Variants in TACR3 observed in about 807,000 individuals in gnomAD.
TACR3 encodes the protein tachykinin receptor 3, also known as neuromedin-K receptor.
A neutral mutation model predicts 35.0 loss-of-function variants in TACR3; 34 were observed. That is an observed-to-expected ratio of 0.97 (90% CI 0.74 to 1.30). The LOEUF (loss-of-function observed/expected upper bound fraction) is 1.30. Among genes scored for constraint, TACR3 ranks in the 50% most tolerant of loss-of-function variants. The probability of loss-of-function intolerance (pLI) is 0.00; values close to 1 mark genes in which losing one functional copy is unlikely to be tolerated. For missense variants in TACR3, 558 were observed against 591.7 expected (o/e 0.94, Z 0.59); for synonymous variants, 233 against 221.1 (o/e 1.05, Z -0.48).
chr4:103,708,383 C>T (rs554096886), intron 1 of TACR3, among the ~76,000 whole-genome samples: 1 of 152,194 alleles, frequency 6.6e-6, no homozygotes, highest in Non-Finnish European at 1.5e-5. Context: ...ACTGCTGATA[C>T]CCTGGCAAAC....
intron 3 of TACR3, among the ~76,000 whole-genome samples, chr4:103,622,846 CA>C (rs1724813163): frequency 6.6e-6 from 1 of 152,136 alleles, no homozygotes; most frequent in Non-Finnish European, 1.5e-5. Context: ...AAGCAGCTAT[CA>C]GACCCAGAGG....
intron 1 of TACR3, among the ~76,000 whole-genome samples, chr4:103,683,470 C>CAA (rs57761679): frequency 8.2e-3 from 173 of 21,082 alleles, no homozygotes; most frequent in Non-Finnish European, 0.011. Context: ...AAAGACTGAC[C>CAA]AAAAAAAAAA....
At chr4:103,691,914 G>C (rs1722411561) in intron 1 of TACR3, among the ~76,000 whole-genome samples, 1 of 152,130 alleles carries the variant, frequency 6.6e-6, no homozygotes, top group Non-Finnish European at 1.5e-5. Context: ...CAATGCTAAT[G>C]ACTGGCTTGC....
intron 3 of TACR3, among the ~76,000 whole-genome samples, chr4:103,649,369 A>G (rs1230573760): frequency 6.6e-6 from 1 of 152,060 alleles, no homozygotes; most frequent in Non-Finnish European, 1.5e-5. Context: ...GCCTAGTTCA[A>G]TGGCCTGGAT....
intron 1 of TACR3, among the ~76,000 whole-genome samples, chr4:103,672,187 A>G (rs1726072791): frequency 6.6e-6 from 1 of 152,100 alleles, no homozygotes; most frequent in Non-Finnish European, 1.5e-5. Flanking sequence ...TATTTCCACT[A>G]CAACTGCAGT....
intron 3 of TACR3, chr4:103,593,556 T>C (rs1723940086): frequency 6.6e-6 from 1 of 152,200 alleles, no homozygotes; most frequent in Admixed American, 6.6e-5. Flanking sequence ...TTAGACTAAA[T>C]GAAATTAGTC....
At chr4:103,612,790 G>GT (rs1192119529) in intron 3 of TACR3, among the ~76,000 whole-genome samples, 1 of 151,788 alleles carries the variant, frequency 6.6e-6, no homozygotes, top group Non-Finnish European at 1.5e-5. Context: ...GATTACAGGC[G>GT]TGAGCCACAG....
Position 103,663,735 on chromosome 4 carries a change from G to A in TACR3, c.549-5332C>T, listed in dbSNP as rs554051437. 3.0e-4 allele frequency among the ~76,000 whole-genome samples: 45 copies of A among 152,234 alleles called. 1 individual carries two copies. The South Asian group carries it at 9.1e-3, about 31-fold the overall frequency. On this transcript the variant is annotated intron_variant, in intron 1 of 4. Coordinates refer to ENST00000304883, the MANE Select transcript of TACR3 (RefSeq NM_001059.3). ...CTCTGATGAAAACTTATTTGAAATT[G>A]TTGATTTGGAATTCGTTTGGGCACC...
chr4:103,670,754 C>A lies in TACR3; in HGVS notation c.549-12351G>T, dbSNP rs539340325. Among the ~76,000 whole-genome samples, 6 of 151,950 alleles carry A rather than the reference C, an allele frequency of 3.9e-5. No homozygotes were observed. The East Asian group carries it at 9.7e-4, about 24-fold the overall frequency. ...AGGTTTTCTAAATATAAGATCATAT[C>A]GTTTACAAACAAGAATAATTTGACT... On this transcript the variant is annotated intron_variant, in intron 1 of 4. Coordinates refer to ENST00000304883, the MANE Select transcript of TACR3 (RefSeq NM_001059.3).
At chr4:103,671,814 A>C (rs893823219) in intron 1 of TACR3, among the ~76,000 whole-genome samples, 3 of 151,982 alleles carry the variant, frequency 2.0e-5, no homozygotes. Context: ...TATCCCACAA[A>C]GGTTTTTAAA....
At chr4:103,685,820 T>C (rs1722215004) in intron 1 of TACR3, among the ~76,000 whole-genome samples, 1 of 152,168 alleles carries the variant, frequency 6.6e-6, no homozygotes, top group South Asian at 2.1e-4. Flanking sequence ...TTAATCTCTG[T>C]AAGAGCAAGA....
intron 3 of TACR3, among the ~76,000 whole-genome samples, chr4:103,646,027 C>T (rs4549383): frequency 3.3e-5 from 5 of 152,076 alleles, no homozygotes; most frequent in Admixed American, 3.3e-4. Flanking sequence ...TTCCTAGTTC[C>T]TAATTCAGTC....
At chr4:103,627,310 T>C (rs1433355822) in intron 3 of TACR3, among the ~76,000 whole-genome samples, 1 of 119,872 alleles carries the variant, frequency 8.3e-6, no homozygotes, top group East Asian at 2.4e-4. Context: ...AGGTCAGGAG[T>C]ACGAGACCAG....
intron 3 of TACR3, among the ~76,000 whole-genome samples, chr4:103,602,946 G>A (rs1724245993): frequency 6.6e-6 from 1 of 152,232 alleles, no homozygotes; most frequent in African/African-American, 2.4e-5. Context: ...GTCTGCAGAG[G>A]TTACTGCTGT....
intron 3 of TACR3, among the ~76,000 whole-genome samples, chr4:103,650,571 TAA>T (rs1352772923): frequency 8.4e-6 from 1 of 119,422 alleles, no homozygotes; most frequent in Non-Finnish European, 1.6e-5. Flanking sequence ...AATAAATATA[TAA>T]AATAAATTTA....
Position 103,623,859 on chromosome 4 carries a change from G to A in TACR3, c.889-32176C>T, listed in dbSNP as rs555771830. ...AATCTCACAGCTAGAAGGTAGACTC[G>A]TTTTCGGATGATGGAGACCTGGCTT... is the stretch of plus-strand genomic sequence containing the variant. On this transcript the variant is annotated intron_variant, in intron 3 of 4. Transcript: ENST00000304883. Among the ~76,000 whole-genome samples the A allele has an allele frequency of 1.4e-3, 218 of 152,244 alleles. 2 individuals are homozygous for A. Among genetic ancestry groups the A allele is most frequent in the African/African-American group, 4.8e-3 (199 of 41,554 alleles).
intron 1 of TACR3, among the ~76,000 whole-genome samples, chr4:103,702,515 T>C (rs1356955931): frequency 6.6e-6 from 1 of 152,146 alleles, no homozygotes. Flanking sequence ...GATCTAGAAC[T>C]AGAAATACCA....
At chr4:103,598,233 C>T (rs556151473) in intron 3 of TACR3, among the ~76,000 whole-genome samples, 49 of 152,138 alleles carry the variant, frequency 3.2e-4, no homozygotes, top group East Asian at 2.1e-3. Context: ...ATGTGTTTTT[C>T]GGCTGCATAA....
At position 103,719,915 on chromosome 4, in the gene TACR3, C is replaced by CGA. The variant is rs1471638890; in HGVS notation, c.-242_-241dup. The stretch of plus-strand genomic sequence containing the variant: ...GCAGGCAGAAAGAATGAGATCCTCC[C>CGA]GAGATTAAGGGTTATCGAGTCACAT... On this transcript the variant is annotated 5_prime_UTR_variant, in exon 1 of 5. Coordinates refer to ENST00000304883, the MANE Select transcript of TACR3 (RefSeq NM_001059.3). 11 of 595,740 alleles carry CGA rather than the reference C, an allele frequency of 1.8e-5. No individual in the cohort carries two copies. Among genetic ancestry groups the CGA allele is most frequent in the Admixed American group, 3.0e-5 (1 of 33,794 alleles). The allele number at this position is 595,740 out of a possible 1,614,324, so 36.9% of individuals were successfully genotyped here. A position where few individuals can be genotyped will look rare whatever the true frequency, so the allele number is the denominator to read the frequency against.
Sources: gnomAD v4.1 joint callset for allele counts (sites outside exome capture counted in the v4.1 genomes callset) on GRCh38, gnomAD v4.1.1 for gene constraint, MANE v1.5 for transcripts, NCBI Gene and HGNC (gene_info 2026-07-23, HGNC 2026-07-21) for gene names.